The following KLHL4 variants were observed in gnomAD, a reference collection of about 807,000 sequenced individuals.
KLHL4 encodes kelch-like protein 4.
KLHL4 carries 17 observed loss-of-function variants against 45.8 expected under a neutral mutation model. The observed-to-expected ratio is 0.37, with a 90% confidence interval of 0.25 to 0.56. The LOEUF is 0.56. KLHL4 is among the 20% of genes least tolerant of loss of function. The probability of loss-of-function intolerance (pLI) is 0.79; values close to 1 mark genes in which losing one functional copy is unlikely to be tolerated. For synonymous variants in KLHL4, 224 were observed against 189.9 expected (o/e 1.18, Z -1.47); for missense variants, 544 against 544.9 (o/e 1.00, Z 0.02).
rs767164998 is a variant in KLHL4, at chrX:87,535,818, C to G, written c.422+17503C>G. ...TGAATATTAATAGTTTAGCACCATC[C>G]TTTTGGTGCTGTTCTCATGATAGTG... On this transcript the variant is annotated intron_variant, in intron 1 of 10. Transcript: ENST00000373119. Among the ~76,000 whole-genome samples the G allele has an allele frequency of 3.6e-5, 4 of 110,674 alleles. No homozygotes were observed. In the East Asian group the frequency reaches 1.2e-3, roughly 32 times the overall value.
chrX:87,636,817 G>T (rs1443619865), intron 9 of KLHL4, among the ~76,000 whole-genome samples: 2 of 108,932 alleles, frequency 1.8e-5, no homozygotes, highest in African/African-American at 6.7e-5. Context: ...AGCAGCTGCA[G>T]CAAGCCCCAC....
chrX:87,632,169 A>G (rs917014152), intron 6 of KLHL4, 41 bp from the exon 7 acceptor site: 12 of 864,896 alleles, frequency 1.4e-5, no homozygotes, highest in Non-Finnish European at 2.0e-5. Flanking sequence ...CAAAATTTCA[A>G]TAGAAGTAGA....
At position 87,644,719 on chromosome X, in the gene KLHL4, G is replaced by T. The variant is rs910158158; in HGVS notation, c.1925+8944G>T. On this transcript the variant is annotated intron_variant, in intron 9 of 10. Coordinates refer to ENST00000373119, the MANE Select transcript of KLHL4 (RefSeq NM_019117.5). ...TGTAAAAATAGGCACATAGACCAGT[G>T]GAACAGAATAGAGAACCCAGAAATA... Among the ~76,000 whole-genome samples the T allele has an allele frequency of 2.7e-5, 3 of 111,402 alleles. No individual in the cohort carries two copies. The East Asian group carries it at 8.5e-4, about 31-fold the overall frequency.
chrX:87,643,276 A>G (rs904199871), intron 9 of KLHL4, among the ~76,000 whole-genome samples: 1 of 111,350 alleles, frequency 9.0e-6, no homozygotes, highest in African/African-American at 3.3e-5. Flanking sequence ...TACTATGAAC[A>G]CCTTCCCTCA....
At chrX:87,563,847 A>G (rs1347700893) in intron 1 of KLHL4, among the ~76,000 whole-genome samples, 1 of 111,108 alleles carries the variant, frequency 9.0e-6, no homozygotes, top group Non-Finnish European at 1.9e-5. Flanking sequence ...AGGATGCTCA[A>G]AGCAACAAGG....
chrX:87,540,920 A>G (rs1480413855), intron 1 of KLHL4, among the ~76,000 whole-genome samples: 9 of 111,688 alleles, frequency 8.1e-5, no homozygotes, highest in Non-Finnish European at 1.7e-4. Context: ...TTATGACATT[A>G]TGACAGCTAT....
At position 87,566,424 on chromosome X, in the gene KLHL4, A is replaced by G. The variant is rs151264211; in HGVS notation, c.423-47453A>G. 1.7e-3 allele frequency among the ~76,000 whole-genome samples: 193 copies of G among 111,776 alleles called. 2 individuals are homozygous for G. Among genetic ancestry groups the G allele is most frequent in the Non-Finnish European group, 5.6e-4 (30 of 53,127 alleles). ...CGTAAGTTGAAAATGCAAATAATACACCTACTGAAAATCATAGCTTAGCCT... is the reference window on the plus strand; with the variant it reads ...CGTAAGTTGAAAATGCAAATAATACGCCTACTGAAAATCATAGCTTAGCCT... On this transcript the variant is annotated intron_variant, in intron 1 of 10. Transcript: ENST00000373119.
chrX:87,579,215 GA>G (rs1053857362), intron 1 of KLHL4, among the ~76,000 whole-genome samples: 4 of 107,979 alleles, frequency 3.7e-5, no homozygotes, highest in African/African-American at 1.0e-4. Flanking sequence ...ACAAATTACT[GA>G]AAAAAAAATC....
chrX:87,590,037 TAAA>T lies in KLHL4; in HGVS notation c.423-23824_423-23822del, dbSNP rs151242094. ...TGAGCAACAAGAGCGAAACTCCTTC[TAAA>T]AAAAAAAAAAAAAAAGACCTACTAT... On this transcript the variant is annotated intron_variant, in intron 1 of 10. Coordinates refer to ENST00000373119, the MANE Select transcript of KLHL4 (RefSeq NM_019117.5). Among the ~76,000 whole-genome samples, 18 of 75,624 alleles carry T rather than the reference TAAA, an allele frequency of 2.4e-4. No homozygotes were observed. In the East Asian group the frequency reaches 4.6e-3, roughly 19 times the overall value. 65.7% of individuals were successfully genotyped at this position (75,624 alleles called of 115,157 possible). A position where few individuals can be genotyped will look rare whatever the true frequency, so the allele number is the denominator to read the frequency against.
chrX:87,625,098 A>C (rs923862726), intron 5 of KLHL4, among the ~76,000 whole-genome samples: 3 of 112,602 alleles, frequency 2.7e-5, no homozygotes, highest in Non-Finnish European at 5.6e-5. Context: ...AATACTTTCT[A>C]TGAGTGCTTT....
chrX:87,572,988 A>G (rs1932366509), intron 1 of KLHL4, among the ~76,000 whole-genome samples: 1 of 111,800 alleles, frequency 8.9e-6, no homozygotes, highest in Admixed American at 9.5e-5. Flanking sequence ...AATATTTCTC[A>G]TACAAATGTT....
rs551376946 is a variant in KLHL4, at chrX:87,585,529, A to C, written c.423-28348A>C. Among the ~76,000 whole-genome samples the C allele has an allele frequency of 4.5e-5, 5 of 111,576 alleles. No homozygotes were observed. The East Asian group carries it at 1.4e-3, about 31-fold the overall frequency. ...TCTTTTTGTTTGTTTGTTTATGCAA[A>C]TAGTGTTGTTATTAGATTAAAATAA... On this transcript the variant is annotated intron_variant, in intron 1 of 10. Transcript: ENST00000373119.
intron 1 of KLHL4, among the ~76,000 whole-genome samples, chrX:87,540,650 A>G (rs1456244198): frequency 9.0e-6 from 1 of 111,095 alleles, no homozygotes; most frequent in Non-Finnish European, 1.9e-5. Context: ...TATGATAACA[A>G]TGCCTTCTTC....
At chrX:87,643,422 A>G (rs947543302) in intron 9 of KLHL4, among the ~76,000 whole-genome samples, 5 of 111,223 alleles carry the variant, frequency 4.5e-5, no homozygotes, top group African/African-American at 1.6e-4. Context: ...TAGAAAAATT[A>G]CCAACAAAAA....
At chrX:87,533,116 C>A (rs1181924196) in intron 1 of KLHL4, among the ~76,000 whole-genome samples, 33 of 108,729 alleles carry the variant, frequency 3.0e-4, no homozygotes, top group African/African-American at 9.7e-4. Flanking sequence ...GGACTGTAAA[C>A]TAGTTCAACC....
intron 1 of KLHL4, among the ~76,000 whole-genome samples, chrX:87,577,294 C>T (rs1340683685): frequency 8.9e-6 from 1 of 112,033 alleles, no homozygotes; most frequent in African/African-American, 3.2e-5. Flanking sequence ...CATAAAATAT[C>T]GTGCTTTTAT....
intron 1 of KLHL4, among the ~76,000 whole-genome samples, chrX:87,547,305 C>A (rs999627196): frequency 9.0e-6 from 1 of 110,898 alleles, no homozygotes; most frequent in Non-Finnish European, 1.9e-5. Flanking sequence ...TTATAAGTGG[C>A]TCTTCCCCCT....
intron 1 of KLHL4, among the ~76,000 whole-genome samples, chrX:87,564,171 G>A (rs1161214699): frequency 9.0e-6 from 1 of 111,334 alleles, no homozygotes; most frequent in Non-Finnish European, 1.9e-5. Flanking sequence ...TAATTGTGGT[G>A]TGTAAACTAC....
chrX:87,652,967 C>T (rs1385280759), intron 9 of KLHL4, among the ~76,000 whole-genome samples: 6 of 112,009 alleles, frequency 5.4e-5, no homozygotes, highest in East Asian at 5.6e-4. Context: ...AAAGGCACTT[C>T]GTACATGGTG....
Sources: gnomAD v4.1 joint callset for allele counts (sites outside exome capture counted in the v4.1 genomes callset) on GRCh38, gnomAD v4.1.1 for gene constraint, MANE v1.5 for transcripts, NCBI Gene and HGNC (gene_info 2026-07-23, HGNC 2026-07-21) for gene names.